The following GFRAL variants were observed in gnomAD, a reference collection of about 807,000 sequenced individuals.
GFRAL encodes the protein GDNF family receptor alpha-like.
Under a neutral mutation model 45.4 loss-of-function variants are expected in GFRAL, and 36 were observed. That is an observed-to-expected ratio of 0.79 (90% CI 0.61 to 1.05). The LOEUF is 1.05. GFRAL is among the 50% of genes least tolerant of loss of function. The pLI is 0.00. For synonymous variants in GFRAL, 166 were observed against 154.1 expected (o/e 1.08, Z -0.57); for missense variants, 507 against 467.5 (o/e 1.08, Z -0.78).
intron 3 of GFRAL, among the ~76,000 whole-genome samples, chr6:55,338,395 G>T (rs752033633): frequency 4.1e-4 from 62 of 152,120 alleles, no homozygotes; most frequent in Non-Finnish European, 6.6e-4. Context: ...GAGCCAGAAG[G>T]TTATTTAATT....
At chr6:55,386,649 T>C (rs184077729) in intron 6 of GFRAL, among the ~76,000 whole-genome samples, 1 of 152,252 alleles carries the variant, frequency 6.6e-6, no homozygotes, top group East Asian at 1.9e-4. Flanking sequence ...TTCAACCAGA[T>C]ACTCTAAGGA....
At chr6:55,372,344 G>T (rs1210748510) in intron 6 of GFRAL, among the ~76,000 whole-genome samples, 1 of 152,100 alleles carries the variant, frequency 6.6e-6, no homozygotes, top group East Asian at 1.9e-4. Flanking sequence ...TCTTCAAGGA[G>T]ACCTCTTTTC....
chr6:55,333,768 T>C lies in GFRAL; in HGVS notation c.158-18T>C, dbSNP rs1229081812. 1 of 1,559,660 alleles carries C rather than the reference T, an allele frequency of 6.4e-7. No individual in the cohort carries two copies. Among genetic ancestry groups the C allele is most frequent in the South Asian group, 1.2e-5 (1 of 83,788 alleles). On this transcript the variant is annotated intron_variant, in intron 2 of 8. Transcript: ENST00000340465. ...ATAATCAGATTAATATCTATAGTGT[T>C]ATGTGTTTGATTGTGAGATCCAGGT...
chr6:55,351,080 C>T (rs764958310), intron 4 of GFRAL, among the ~76,000 whole-genome samples, 173 bp from the exon 5 acceptor site: 20 of 152,020 alleles, frequency 1.3e-4, no homozygotes, highest in African/African-American at 4.3e-4. Context: ...AATAAGTCTA[C>T]GATTTAGGTC....
At chr6:55,390,278 C>A (rs1768731633) in intron 6 of GFRAL, among the ~76,000 whole-genome samples, 1 of 152,122 alleles carries the variant, frequency 6.6e-6, no homozygotes. Flanking sequence ...ATTATAACCC[C>A]CCTGAATTAG....
intron 3 of GFRAL, among the ~76,000 whole-genome samples, chr6:55,339,296 G>A (rs1450995757): frequency 6.6e-6 from 1 of 152,010 alleles, no homozygotes; most frequent in Non-Finnish European, 1.5e-5. Flanking sequence ...TTCATCTGAG[G>A]CATGCTTTGG....
At chr6:55,385,663 T>G (rs563506503) in intron 6 of GFRAL, among the ~76,000 whole-genome samples, 24 of 152,198 alleles carry the variant, frequency 1.6e-4, no homozygotes, top group African/African-American at 5.8e-4. Context: ...ATGATATAAA[T>G]CTTATAATTG....
At position 55,363,009 on chromosome 6, in the gene GFRAL, A is replaced by G. The variant is rs191125317; in HGVS notation, c.952+3871A>G. The stretch of plus-strand genomic sequence containing the variant: ...AAGAGGAAACAGGAAGGAGGAAAAG[A>G]ACAAGGAGAAGAAGTAGGAGACAAA... On this transcript the variant is annotated intron_variant, in intron 6 of 8. Coordinates refer to ENST00000340465, the MANE Select transcript of GFRAL (RefSeq NM_207410.2). Among the ~76,000 whole-genome samples, 323 of 151,466 alleles carry G rather than the reference A, an allele frequency of 2.1e-3. 2 individuals are homozygous for G. Among genetic ancestry groups the G allele is most frequent in the South Asian group, 0.016 (75 of 4,780 alleles).
intron 6 of GFRAL, among the ~76,000 whole-genome samples, chr6:55,384,270 T>TA (rs374788881): frequency 5.9e-5 from 9 of 151,472 alleles, no homozygotes; most frequent in African/African-American, 1.2e-4. Context: ...TTAAAGTATA[T>TA]AAAAAAAACT....
At chr6:55,374,040 G>C (rs914499401) in intron 6 of GFRAL, among the ~76,000 whole-genome samples, 3 of 152,024 alleles carry the variant, frequency 2.0e-5, no homozygotes, top group Non-Finnish European at 2.9e-5. Context: ...GAGGATAATG[G>C]CTTCCAATTC....
intron 6 of GFRAL, among the ~76,000 whole-genome samples, chr6:55,379,719 CATT>C (rs1011235140): frequency 2.2e-4 from 33 of 151,978 alleles, no homozygotes; most frequent in African/African-American, 6.3e-4. Context: ...AATATATCAT[CATT>C]AACTATAGTC....
chr6:55,361,606 A>C (rs774886212), intron 6 of GFRAL, among the ~76,000 whole-genome samples: 1 of 152,006 alleles, frequency 6.6e-6, no homozygotes, highest in Non-Finnish European at 1.5e-5. Flanking sequence ...AGTGATGACT[A>C]TACTTGAATT....
At chr6:55,394,126 G>GAAATAAAT (rs1768791290) in intron 6 of GFRAL, among the ~76,000 whole-genome samples, 1 of 152,076 alleles carries the variant, frequency 6.6e-6, no homozygotes, top group Admixed American at 6.6e-5. Flanking sequence ...TAATATAGAT[G>GAAATAAAT]GGCCATTTCA....
chr6:55,331,904 C>T, intron 2 of GFRAL, 55 bp downstream of exon 2: 1 of 1,505,500 alleles, frequency 6.6e-7, no homozygotes, highest in African/African-American at 1.4e-5. Flanking sequence ...AAGATAAAAA[C>T]AGGATTTGAT....
intron 6 of GFRAL, among the ~76,000 whole-genome samples, chr6:55,392,517 T>G (rs891118568): frequency 6.6e-6 from 1 of 152,190 alleles, no homozygotes; most frequent in African/African-American, 2.4e-5. Context: ...TTCTAAATTC[T>G]CCATATCTCA....
At chr6:55,397,391 G>A (rs1205210322) in intron 6 of GFRAL, among the ~76,000 whole-genome samples, 2 of 147,242 alleles carry the variant, frequency 1.4e-5, no homozygotes, top group Admixed American at 6.8e-5. Flanking sequence ...AGTGGCGGGC[G>A]CCTGTAGTCC....
chr6:55,378,161 A>C (rs561519302), intron 6 of GFRAL, among the ~76,000 whole-genome samples: 41 of 152,032 alleles, frequency 2.7e-4, no homozygotes, highest in Non-Finnish European at 5.1e-4. Flanking sequence ...GCAGAAAAGT[A>C]CTGGGAAAAG....
intron 6 of GFRAL, among the ~76,000 whole-genome samples, chr6:55,384,826 T>C (rs1768658184): frequency 6.6e-6 from 1 of 150,646 alleles, no homozygotes; most frequent in South Asian, 2.1e-4. Context: ...CTCCCTTAAG[T>C]TCACTCTAGA....
At position 55,358,975 on chromosome 6, in the gene GFRAL, C is replaced by G; in HGVS notation, c.789C>G (p.Ser263Arg). ...ATGAGAATTGCATTAGCACCTTAAG[C>G]AAACAGGACCTCACTTGTTCAGGAA... ...HEDENCISTL[S>R]KQDLTCSGSD... is the part of the protein sequence containing the mutation. The change falls in exon 6 of 9, where the codon AGC becomes AGG. Residue 263 changes from serine (S) to arginine (R), a missense_variant. By Grantham distance (110) the Ser-to-Arg change is moderately radical. Coordinates refer to ENST00000340465, the MANE Select transcript of GFRAL (RefSeq NM_207410.2). The G allele has an allele frequency of 6.2e-7, 1 of 1,613,092 alleles. No homozygotes were observed. The highest frequency in any genetic ancestry group is 8.5e-7 in the Non-Finnish European group (1 of 1,179,366).
Sources: allele counts gnomAD v4.1 joint callset (sites outside exome capture counted in the v4.1 genomes callset), GRCh38; gene constraint gnomAD v4.1.1; transcripts MANE v1.5; gene names NCBI Gene and HGNC (gene_info 2026-07-23, HGNC 2026-07-21).